Variants in USP22 observed in about 807,000 individuals in gnomAD.
USP22 encodes the protein ubiquitin carboxyl-terminal hydrolase 22.
Under a neutral mutation model 68.1 loss-of-function variants are expected in USP22, and 22 were observed. The ratio of observed to expected loss-of-function variants is 0.32; its 90% CI spans 0.23 to 0.46. The LOEUF is 0.46. USP22 is among the 20% of genes least tolerant of loss of function. The pLI, the probability that USP22 is intolerant of heterozygous loss-of-function variation, is 1.00. For missense variants in USP22, 433 were observed against 695.8 expected, an observed-to-expected ratio of 0.62 and a Z score of 4.25; for synonymous variants, 279 against 274.2, an observed-to-expected ratio of 1.02 and a Z score of -0.17.
chr17:21,005,765 T>TAACACCCTGCAAATAAC (rs1278827789), intron 10 of USP22, among the ~76,000 whole-genome samples: 5 of 152,112 alleles, frequency 3.3e-5, no homozygotes, highest in African/African-American at 1.2e-4. Flanking sequence ...CACCAAAAAA[T>TAACACCCTGCAAATAAC]AACACCCTGC....
At chr17:21,011,964 G>C (rs886365279) in intron 7 of USP22, among the ~76,000 whole-genome samples, 9 of 152,160 alleles carry the variant, frequency 5.9e-5, no homozygotes, top group African/African-American at 2.2e-4. Context: ...TCAGAGACAA[G>C]GCCCCAAACG....
chr17:21,004,818 A>T, intron 11 of USP22, 110 bp downstream of exon 11: 5 of 1,215,834 alleles, frequency 4.1e-6, no homozygotes, highest in Non-Finnish European at 4.7e-6. Flanking sequence ...GCCAAGCGGG[A>T]AGCAGGTCAG....
At chr17:21,036,637 T>C (rs1327824290) in intron 1 of USP22, among the ~76,000 whole-genome samples, 2 of 151,918 alleles carry the variant, frequency 1.3e-5, no homozygotes, top group African/African-American at 2.4e-5. Context: ...GGAGCCAGCA[T>C]TTTCTCTGCT....
intron 2 of USP22, among the ~76,000 whole-genome samples, chr17:21,026,633 C>T (rs555545641): frequency 6.7e-6 from 1 of 149,680 alleles, no homozygotes; most frequent in East Asian, 2.0e-4. Context: ...CCTCATCTCA[C>T]TTCTTTAAAA....
Position 21,019,078 on chromosome 17 carries a change from A to G in USP22, c.520+6T>C. ...CTAGCTGAGAGTGACGACACGCTCC[A>G]CCCACCTATGGTGCAGTTCGAGGTG... is the stretch of plus-strand genomic sequence containing the variant. On this transcript the variant is annotated splice_donor_region_variant and intron_variant, in intron 4 of 12. Transcript: ENST00000261497. 1.2e-6 allele frequency: 2 copies of G among 1,613,924 alleles called. No homozygotes were observed. The highest frequency in any genetic ancestry group is 1.1e-5 in the South Asian group (1 of 91,078).
intron 1 of USP22, among the ~76,000 whole-genome samples, chr17:21,041,618 G>T (rs756818023): frequency 7.5e-4 from 114 of 151,690 alleles, no homozygotes; most frequent in Admixed American, 2.6e-3. Context: ...TTTTTTTTTT[G>T]AATTACTGCT....
At chr17:21,012,617 G>A (rs1302822499) in intron 7 of USP22, among the ~76,000 whole-genome samples, 16 of 151,692 alleles carry the variant, frequency 1.1e-4, no homozygotes, top group Non-Finnish European at 4.4e-5. Context: ...ACCTCAACAC[G>A]AAGGGCTCGC....
intron 12 of USP22, among the ~76,000 whole-genome samples, chr17:21,003,696 GT>G (rs1913674114): frequency 6.6e-6 from 1 of 152,160 alleles, no homozygotes; most frequent in South Asian, 2.1e-4. Context: ...GAAGTCAGGA[GT>G]TTGAAACCAG....
At chr17:21,030,604 G>A (rs2030637668) in intron 1 of USP22, among the ~76,000 whole-genome samples, 1 of 152,194 alleles carries the variant, frequency 6.6e-6, no homozygotes. Flanking sequence ...GGCGCCTGTG[G>A]CGTGCTCAGA....
rs139411812 is a variant in USP22, at chr17:21,025,986, G to A, written c.304+2556C>T. 1.4e-4 allele frequency among the ~76,000 whole-genome samples: 21 copies of A among 152,346 alleles called. 1 individual carries two copies. The East Asian group carries it at 3.1e-3, about 22-fold the overall frequency. ...TTAAAAATGGTTAATAGGGCCAGGC[G>A]CGGTGGCTCATGCCTGTAATCCCAG... On this transcript the variant is annotated intron_variant, in intron 2 of 12. Transcript: ENST00000261497.
In USP22 at chr17:21,001,517, A is replaced by G. The variant is rs553528705; in HGVS notation, c.*1514T>C. ...TATGTCATTCAGATTTCTGTGTCTA[A>G]AAGTTGTACTAGACACAGCCACATC... On this transcript the variant is annotated 3_prime_UTR_variant, in exon 13 of 13. Transcript: ENST00000261497. 5 of 152,372 alleles carry G rather than the reference A, an allele frequency of 3.3e-5. No homozygotes were observed. In the South Asian group the frequency reaches 8.3e-4, roughly 25 times the overall value. 9.4% of individuals were successfully genotyped at this position (152,372 alleles called of 1,614,324 possible). A position where few individuals can be genotyped will look rare whatever the true frequency, so the allele number is the denominator to read the frequency against.
rs930094594 is a variant in USP22, at chr17:21,023,979, C to T, written c.305-2753G>A. ...TTCTATTTCAGGTCTTAAGCTACTA[C>T]GACTTATATTGTGGTAAATCTTTGA... On this transcript the variant is annotated intron_variant, in intron 2 of 12. Transcript: ENST00000261497. 5.3e-5 allele frequency among the ~76,000 whole-genome samples: 8 copies of T among 152,310 alleles called. No homozygotes were observed. In the South Asian group the frequency reaches 1.0e-3, roughly 20 times the overall value.
chr17:21,004,969 T>A lies in USP22; in HGVS notation c.1344A>T (p.Gly448=). The stretch of plus-strand genomic sequence containing the variant: ...GACTGTCCGTGGGCTGCTGGTACTG[T>A]CCATTCATCCTGCTCTCTTTGCTGT... ...MASSKESRMN[G]QYQQPTDSLN... is the part of the protein sequence containing the mutation. The change falls in exon 11 of 13, where the codon GGA becomes GGT. Residue 448 remains glycine (G), a synonymous_variant. Coordinates refer to ENST00000261497, the MANE Select transcript of USP22 (RefSeq NM_015276.2). 6.2e-7 allele frequency: 1 copy of A among 1,614,234 alleles called. No homozygotes were observed. Among genetic ancestry groups the A allele is most frequent in the Non-Finnish European group, 8.5e-7 (1 of 1,180,042 alleles).
intron 1 of USP22, among the ~76,000 whole-genome samples, chr17:21,037,305 G>A (rs770029331): frequency 2.6e-5 from 4 of 152,256 alleles, no homozygotes; most frequent in East Asian, 3.9e-4. Context: ...TCCCCACCCC[G>A]GTAGAGTACC....
At chr17:21,010,645 C>CA (rs1294132902) in intron 8 of USP22, among the ~76,000 whole-genome samples, 3 of 138,282 alleles carry the variant, frequency 2.2e-5, no homozygotes, top group Non-Finnish European at 4.6e-5. Context: ...GCCTGGTCGA[C>CA]AGAGCACAAC....
Position 21,042,856 on chromosome 17 carries a change from G to C in USP22, c.-21C>G, listed in dbSNP as rs1031773473. On this transcript the variant is annotated 5_prime_UTR_variant, in exon 1 of 13. Transcript: ENST00000261497. The stretch of plus-strand genomic sequence containing the variant: ...ACCATGGGGGGCAAGGCCCGGCCGC[G>C]CGCGGGGGGCGGCGGCGAGGGAGGC... 8.8e-6 allele frequency: 11 copies of C among 1,248,822 alleles called. No individual in the cohort carries two copies. The highest frequency in any genetic ancestry group is 1.1e-5 in the Non-Finnish European group (11 of 995,422). The allele number at this position is 1,248,822 out of a possible 1,614,324, so 77.4% of individuals were successfully genotyped here.
chr17:21,032,426 G>A (rs1236337414), intron 1 of USP22, among the ~76,000 whole-genome samples: 1 of 152,216 alleles, frequency 6.6e-6, no homozygotes, highest in Non-Finnish European at 1.5e-5. Context: ...AGACACAGGA[G>A]TAAGGTAGCA....
intron 7 of USP22, among the ~76,000 whole-genome samples, chr17:21,012,353 A>G (rs1156793035): frequency 1.3e-5 from 2 of 152,192 alleles, no homozygotes; most frequent in Admixed American, 6.5e-5. Flanking sequence ...TTCTCCCTGC[A>G]CTCAACACTT....
intron 5 of USP22, among the ~76,000 whole-genome samples, chr17:21,016,599 G>A (rs7222265): frequency 1.3e-5 from 2 of 152,122 alleles, no homozygotes; most frequent in Non-Finnish European, 2.9e-5. Context: ...CTCAGACATC[G>A]AAAGCACACA....
Sources: allele counts gnomAD v4.1 joint callset (sites outside exome capture counted in the v4.1 genomes callset), GRCh38; gene constraint gnomAD v4.1.1; transcripts MANE v1.5; gene names NCBI Gene and HGNC (gene_info 2026-07-23, HGNC 2026-07-21).